KLC1: variants seen among roughly 807,000 people sequenced by gnomAD.
KLC1 encodes the protein kinesin 2 60/70kDa.
Under a neutral mutation model 84.2 loss-of-function variants are expected in KLC1, and 30 were observed. The ratio of observed to expected loss-of-function variants is 0.36; its 90% CI spans 0.27 to 0.48. KLC1 has a LOEUF of 0.48. KLC1 is among the 20% of genes least tolerant of loss of function. The pLI, the probability that KLC1 is intolerant of heterozygous loss-of-function variation, is 0.99. For missense variants in KLC1, 499 were observed against 805.4 expected (o/e 0.62, Z 4.60); for synonymous variants, 289 against 293.3 (o/e 0.99, Z 0.15).
At chr14:103,700,585 C>G (rs1172039842) in intron 15 of KLC1, 70 bp from the exon 16 acceptor site, 6 of 1,290,592 alleles carry the variant, frequency 4.6e-6, no homozygotes, top group Non-Finnish European at 6.6e-6. Flanking sequence ...GGTGTCACGC[C>G]CGGAGCTCTG....
intron 13 of KLC1, chr14:103,685,297 C>A (rs1302569983): frequency 7.5e-7 from 1 of 1,333,898 alleles, no homozygotes; most frequent in Admixed American, 3.4e-5. Flanking sequence ...TTTTTCATTG[C>A]ATAATCTCCT....
rs527688105 is a variant in KLC1 at position 103,660,246 on chromosome 14, C to T, written c.493-1870C>T. 4.6e-5 allele frequency among the ~76,000 whole-genome samples: 7 copies of T among 151,066 alleles called. No individual in the cohort carries two copies. In the East Asian group the frequency reaches 9.9e-4, roughly 21 times the overall value. ...CTGTAATCCCAGCCCTTAGGGAGGC[C>T]GAGGCAGGCAGATCACCTGAGGTCA... On this transcript the variant is annotated intron_variant, in intron 3 of 16. Transcript: ENST00000334553.
At chr14:103,687,579 TA>T (rs2081860226) in intron 14 of KLC1, 1 of 154,098 alleles carries the variant, frequency 6.5e-6, no homozygotes, top group Admixed American at 6.4e-5. Context: ...AGCATTAGTT[TA>T]AATTCTTTAA....
At chr14:103,644,170 G>GCAC (rs2077710795) in intron 1 of KLC1, among the ~76,000 whole-genome samples, 1 of 130,542 alleles carries the variant, frequency 7.7e-6, no homozygotes, top group East Asian at 2.3e-4. Flanking sequence ...AGCCGTGATT[G>GCAC]CACCACTGCA....
intron 1 of KLC1, among the ~76,000 whole-genome samples, chr14:103,639,663 C>T (rs1188778051): frequency 6.6e-6 from 1 of 151,994 alleles, no homozygotes; most frequent in Non-Finnish European, 1.5e-5. Flanking sequence ...TGGTCTTGAA[C>T]TCCTGGGCTC....
chr14:103,672,383 AT>A (rs2080470128), intron 7 of KLC1, among the ~76,000 whole-genome samples: 1 of 152,126 alleles, frequency 6.6e-6, no homozygotes, highest in African/African-American at 2.4e-5. Flanking sequence ...CGATGCGGAG[AT>A]TACATTGGTG....
At chr14:103,652,518 A>G (rs905735032) in intron 1 of KLC1, among the ~76,000 whole-genome samples, 1 of 151,688 alleles carries the variant, frequency 6.6e-6, no homozygotes, top group Non-Finnish European at 1.5e-5. Context: ...TTGAGACAGA[A>G]TCTTCCTCTG....
intron 15 of KLC1, chr14:103,697,048 C>G (rs2082589066): frequency 1.0e-6 from 1 of 985,346 alleles, no homozygotes; most frequent in African/African-American, 1.7e-5. Flanking sequence ...GTACCTCTGT[C>G]TTTAAGCTGT....
At chr14:103,649,852 C>T (rs532912955) in intron 1 of KLC1, among the ~76,000 whole-genome samples, 9 of 152,002 alleles carry the variant, frequency 5.9e-5, no homozygotes, top group African/African-American at 9.7e-5. Context: ...CCCACCATCG[C>T]GCCCGGCTAA....
intron 12 of KLC1, among the ~76,000 whole-genome samples, chr14:103,678,067 G>A (rs1299242499): frequency 6.6e-6 from 1 of 151,850 alleles, no homozygotes; most frequent in Non-Finnish European, 1.5e-5. Context: ...CTGAGGTCAG[G>A]AGTTCGAGAC....
rs1457620174 is a variant in KLC1, at chr14:103,675,705, G to A, written c.1328G>A (p.Gly443Glu). 1.2e-6 allele frequency: 2 copies of A among 1,613,266 alleles called. No individual in the cohort carries two copies. The highest frequency in any genetic ancestry group is 1.7e-6 in the Non-Finnish European group (2 of 1,179,340). Residue 443 changes from glycine to glutamate, a missense_variant, in exon 11 of 17, where the codon GGG (glycine) becomes GAG (glutamate). Gly to Glu is a moderately conservative substitution (Grantham distance 98, BLOSUM62 -2). Transcript: ENST00000334553. ...REECKGKQKD[G>E]TSFGEYGGWY... ...ATAATTTAGGGAAAGCAAAAGGATGGGACATCTTTTGGAGAGTATGGCGGC... is the reference window on the plus strand; with the variant it reads ...ATAATTTAGGGAAAGCAAAAGGATGAGACATCTTTTGGAGAGTATGGCGGC...
chr14:103,646,425 C>T (rs938422055), intron 1 of KLC1, among the ~76,000 whole-genome samples: 46 of 152,114 alleles, frequency 3.0e-4, no homozygotes, highest in African/African-American at 1.0e-3. Context: ...TTCAGCCTCT[C>T]AAGTAGTTGG....
At chr14:103,656,382 A>G (rs1219874075) in intron 2 of KLC1, among the ~76,000 whole-genome samples, 2 of 152,244 alleles carry the variant, frequency 1.3e-5, no homozygotes, top group Admixed American at 6.5e-5. Flanking sequence ...CATGCTTGAC[A>G]TAGAGATGAA....
intron 15 of KLC1, chr14:103,696,358 T>A (rs1487642780): frequency 2.0e-6 from 2 of 985,278 alleles, no homozygotes; most frequent in African/African-American, 1.7e-5. Flanking sequence ...GGTCTTGTGT[T>A]TACAGTATTG....
intron 5 of KLC1, among the ~76,000 whole-genome samples, chr14:103,663,674 C>A (rs953653492): frequency 1.6e-4 from 25 of 152,290 alleles, no homozygotes; most frequent in African/African-American, 6.0e-4. Flanking sequence ...AACCCTTTCA[C>A]CCCTGTTGAA....
intron 2 of KLC1, among the ~76,000 whole-genome samples, chr14:103,655,262 GT>G (rs1314420885): frequency 1.3e-5 from 2 of 152,072 alleles, no homozygotes; most frequent in African/African-American, 4.8e-5. Context: ...CATGTGTTCT[GT>G]ATGTTAATAA....
rs141566802 is a variant in KLC1, at chr14:103,638,486, C to T, written c.-2+8992C>T. 4.7e-4 allele frequency among the ~76,000 whole-genome samples: 71 copies of T among 150,884 alleles called. 2 individuals are homozygous for T. The highest frequency in any genetic ancestry group is 1.5e-3 in the African/African-American group (62 of 41,244). ...TTGTGCAACTACCATCTATCTAATT[C>T]CACACATTCCTTTTCCCTTTTTAGT... On this transcript the variant is annotated intron_variant, in intron 1 of 16. Coordinates refer to ENST00000334553, the MANE Select transcript of KLC1 (RefSeq NM_001394837.1).
intron 1 of KLC1, among the ~76,000 whole-genome samples, chr14:103,639,117 A>G (rs2077289444): frequency 1.3e-5 from 2 of 152,190 alleles, no homozygotes; most frequent in Non-Finnish European, 2.9e-5. Context: ...AAAATATTAC[A>G]CATTTGAAAA....
intron 9 of KLC1, among the ~76,000 whole-genome samples, chr14:103,674,116 A>G (rs1166507244): frequency 6.6e-6 from 1 of 152,108 alleles, no homozygotes; most frequent in Non-Finnish European, 1.5e-5. Context: ...GACCTACCCA[A>G]TTCATGCAGA....
Sources: gnomAD v4.1 joint callset for allele counts (sites outside exome capture counted in the v4.1 genomes callset) on GRCh38, gnomAD v4.1.1 for gene constraint, MANE v1.5 for transcripts, NCBI Gene and HGNC (gene_info 2026-07-23, HGNC 2026-07-21) for gene names.